ATP2B1: variants seen among roughly 807,000 people sequenced by gnomAD.
ATP2B1 encodes the protein ATPase plasma membrane Ca2+ transporting 1.
A neutral mutation model predicts 124.2 loss-of-function variants in ATP2B1; 14 were observed. The ratio of observed to expected loss-of-function variants is 0.11; its 90% CI spans 0.07 to 0.18. The LOEUF is 0.18. Among genes scored for constraint, ATP2B1 ranks in the 10% least tolerant of loss-of-function variants. ATP2B1 has a pLI of 1.00. For missense variants in ATP2B1, 763 were observed against 1,466.1 expected, an observed-to-expected ratio of 0.52 and a Z score of 7.83; for synonymous variants, 449 against 492.4, an observed-to-expected ratio of 0.91 and a Z score of 1.17.
chr12:89,679,984 A>T (rs1313691024), intron 1 of ATP2B1, among the ~76,000 whole-genome samples: 5 of 152,120 alleles, frequency 3.3e-5, no homozygotes, highest in African/African-American at 1.2e-4. Context: ...TATAGAAACC[A>T]AAGAGAAAGA....
chr12:89,635,319 T>A (rs1882523159), intron 3 of ATP2B1, 68 bp from the exon 4 acceptor site: 1 of 1,488,018 alleles, frequency 6.7e-7, no homozygotes, highest in African/African-American at 1.4e-5. Context: ...ATATAGTACG[T>A]CTAAATCATA....
chr12:89,697,543 G>A (rs1891291071), intron 1 of ATP2B1, among the ~76,000 whole-genome samples: 1 of 152,100 alleles, frequency 6.6e-6, no homozygotes, highest in Admixed American at 6.5e-5. Context: ...AAAGACACAG[G>A]AGATGAATGA....
At chr12:89,705,052 G>A (rs1892291356) in intron 1 of ATP2B1, among the ~76,000 whole-genome samples, 1 of 152,004 alleles carries the variant, frequency 6.6e-6, no homozygotes, top group Non-Finnish European at 1.5e-5. Flanking sequence ...GTCAAAACTG[G>A]CCAGTAAGTA....
chr12:89,666,682 TA>T (rs1219389873), intron 1 of ATP2B1, among the ~76,000 whole-genome samples: 1 of 152,210 alleles, frequency 6.6e-6, no homozygotes, highest in East Asian at 1.9e-4. Flanking sequence ...GCAATGTTGG[TA>T]AAAGTTTAAA....
At chr12:89,673,759 A>C (rs558631348) in intron 1 of ATP2B1, among the ~76,000 whole-genome samples, 1 of 152,196 alleles carries the variant, frequency 6.6e-6, no homozygotes, top group Admixed American at 6.5e-5. Flanking sequence ...TATACATATC[A>C]GCTATGATTG....
Position 89,638,976 on chromosome 12 carries a change from A to C in ATP2B1, c.406+3182T>G, listed in dbSNP as rs889947925. On this transcript the variant is annotated intron_variant, in intron 3 of 20. Coordinates refer to ENST00000428670, the MANE Select transcript of ATP2B1 (RefSeq NM_001366521.1). Reference sequence around the variant, plus strand: ...ACTTGAAGAGTTTAAAGAGGTCTCGAGACCAAAAAGTTTGAGAACTCCTGT... The same window carrying C: ...ACTTGAAGAGTTTAAAGAGGTCTCGCGACCAAAAAGTTTGAGAACTCCTGT... 3.9e-5 allele frequency among the ~76,000 whole-genome samples: 6 copies of C among 152,220 alleles called. 1 individual carries two copies. Among genetic ancestry groups the C allele is most frequent in the Non-Finnish European group, 8.8e-5 (6 of 68,044 alleles).
intron 1 of ATP2B1, among the ~76,000 whole-genome samples, chr12:89,659,927 AAAAC>A (rs1886488706): frequency 6.7e-6 from 1 of 150,050 alleles, no homozygotes; most frequent in African/African-American, 2.5e-5. Flanking sequence ...AAAAAAAAAA[AAAAC>A]AAAAAAAAAC....
At chr12:89,636,209 G>C (rs1307995308) in intron 3 of ATP2B1, among the ~76,000 whole-genome samples, 1 of 151,770 alleles carries the variant, frequency 6.6e-6, no homozygotes, top group Non-Finnish European at 1.5e-5. Context: ...ATCAGAAAAG[G>C]ATGTGGGGTG....
Position 89,623,607 on chromosome 12 carries a change from G to A in ATP2B1, c.1344+576C>T, listed in dbSNP as rs1279399340. Among the ~76,000 whole-genome samples the A allele has an allele frequency of 2.0e-5, 3 of 152,244 alleles. No homozygotes were observed. In the East Asian group the frequency reaches 5.8e-4, roughly 29 times the overall value. ...GGTTACTCAAAGGAAGGAACAAGTG[G>A]GCTCTGAAGTAAGAATACAGTTGAG... is the stretch of plus-strand genomic sequence containing the variant. On this transcript the variant is annotated intron_variant, in intron 9 of 20. Coordinates refer to ENST00000428670, the MANE Select transcript of ATP2B1 (RefSeq NM_001366521.1).
rs147871424 is a variant in ATP2B1, at chr12:89,613,259, G to A, written c.2068-1887C>T. On this transcript the variant is annotated intron_variant, in intron 12 of 20. Transcript: ENST00000428670. ...GCCTCCCAAAGTAATGGGATTATAGGTGTGAGCCACCATGCCCGGCCCAGG... is the reference window on the plus strand; with the variant it reads ...GCCTCCCAAAGTAATGGGATTATAGATGTGAGCCACCATGCCCGGCCCAGG... Among the ~76,000 whole-genome samples, 603 of 152,216 alleles carry A rather than the reference G, an allele frequency of 4.0e-3. 6 individuals are homozygous for A. The highest frequency in any genetic ancestry group is 4.9e-3 in the Non-Finnish European group (334 of 68,004).
intron 12 of ATP2B1, 27 bp from the exon 13 acceptor site, chr12:89,611,399 C>T: frequency 6.8e-7 from 1 of 1,471,654 alleles, no homozygotes; most frequent in Non-Finnish European, 9.0e-7. Flanking sequence ...AAAAAAATTA[C>T]AAAGTTAATT....
intron 3 of ATP2B1, among the ~76,000 whole-genome samples, chr12:89,637,315 C>T (rs1882852218): frequency 6.6e-6 from 1 of 152,128 alleles, no homozygotes; most frequent in Non-Finnish European, 1.5e-5. Context: ...TTTCTTTTAG[C>T]TGCGAGACAT....
At chr12:89,601,460 ACTTAAAT>A in intron 18 of ATP2B1, 27 bp from the exon 19 acceptor site, 2 of 1,421,298 alleles carry the variant, frequency 1.4e-6, no homozygotes, top group Non-Finnish European at 1.9e-6. Context: ...GAGTAAATTT[ACTTAAAT>A]CTTAAATTTT....
chr12:89,635,315 T>G, intron 3 of ATP2B1, 64 bp from the exon 4 acceptor site: 4 of 1,508,742 alleles, frequency 2.7e-6, no homozygotes, highest in Non-Finnish European at 3.6e-6. Context: ...ATACATATAG[T>G]ACGTCTAAAT....
intron 2 of ATP2B1, among the ~76,000 whole-genome samples, chr12:89,643,172 ATATGTATATG>A (rs957507642): frequency 2.7e-5 from 4 of 150,566 alleles, no homozygotes; most frequent in African/African-American, 7.3e-5. Flanking sequence ...ATGTATGTAT[ATATGTATATG>A]TATGTATATA....
chr12:89,597,810 G>A (rs988640028), intron 20 of ATP2B1, among the ~76,000 whole-genome samples: 8 of 151,972 alleles, frequency 5.3e-5, no homozygotes, highest in African/African-American at 1.9e-4. Context: ...GAAAGAAAAT[G>A]TTATTTTAGT....
Position 89,590,912 on chromosome 12 carries a change from C to T in ATP2B1, c.*72G>A, listed in dbSNP as rs1873430111. ...GACAAGAATACTAGCTTGTCCATCACAATATGTGAAAAGACCCAGTTTCAA... is the reference window on the plus strand; with the variant it reads ...GACAAGAATACTAGCTTGTCCATCATAATATGTGAAAAGACCCAGTTTCAA... On this transcript the variant is annotated 3_prime_UTR_variant, in exon 21 of 21. Transcript: ENST00000428670. The T allele has an allele frequency of 2.1e-6, 3 of 1,414,136 alleles. No homozygotes were observed. Among genetic ancestry groups the T allele is most frequent in the African/African-American group, 1.4e-5 (1 of 70,064 alleles). The allele number at this position is 1,414,136 out of a possible 1,614,324, so 87.6% of individuals were successfully genotyped here.
chr12:89,615,655 GCT>G (rs1339992879), intron 12 of ATP2B1, among the ~76,000 whole-genome samples: 3 of 152,044 alleles, frequency 2.0e-5, no homozygotes, highest in African/African-American at 7.2e-5. Context: ...CTAACTGCTC[GCT>G]CTCTTTCTTG....
intron 8 of ATP2B1, 104 bp from the exon 9 acceptor site, chr12:89,624,501 AG>A (rs1880506461): frequency 1.1e-6 from 1 of 926,480 alleles, no homozygotes; most frequent in African/African-American, 1.7e-5. Context: ...CTTGCTTGAT[AG>A]TATTGAATTT....
Sources: allele counts gnomAD v4.1 joint callset (sites outside exome capture counted in the v4.1 genomes callset), GRCh38; gene constraint gnomAD v4.1.1; transcripts MANE v1.5; gene names NCBI Gene and HGNC (gene_info 2026-07-23, HGNC 2026-07-21).